BCAS3: variants seen among roughly 807,000 people sequenced by gnomAD.
BCAS3 encodes BCAS3 microtubule associated cell migration factor, also known as BCAS4/BCAS3 fusion.
Under a neutral mutation model 116.1 loss-of-function variants are expected in BCAS3, and 53 were observed. That is an observed-to-expected ratio of 0.46 (90% CI 0.37 to 0.57). The LOEUF (loss-of-function observed/expected upper bound fraction) is 0.57, where lower values mean the gene tolerates loss of function less well. Among genes scored for constraint, BCAS3 ranks in the 20% least tolerant of loss-of-function variants. BCAS3 has a pLI of 0.00. For synonymous variants in BCAS3, 391 were observed against 408.2 expected, an observed-to-expected ratio of 0.96 and a Z score of 0.51; for missense variants, 917 against 1,165.4, an observed-to-expected ratio of 0.79 and a Z score of 3.10.
chr17:60,727,545 C>T, intron 5 of BCAS3: 1 of 1,195,496 alleles, frequency 8.4e-7, no homozygotes. Context: ...AGACTCTCGC[C>T]TCGCAAAGCT....
Position 61,130,547 on chromosome 17 carries a change from C to G in BCAS3, c.2425+45983C>G, listed in dbSNP as rs182445197. Among the ~76,000 whole-genome samples the G allele has an allele frequency of 1.6e-3, 239 of 152,322 alleles. 2 individuals are homozygous for G. Among genetic ancestry groups the G allele is most frequent in the Non-Finnish European group, 2.8e-3 (191 of 68,028 alleles). On this transcript the variant is annotated intron_variant, in intron 22 of 23. Transcript: ENST00000407086. This position sits in a 1 kb window ranked among gnomAD's most constrained non-coding sequence, Gnocchi z 5.0. ...GTAATATGGTGAGAATCTTCTTCCT[C>G]AAATACTTTTTATCCTGTCATCCCT...
At position 61,040,849 on chromosome 17, in the gene BCAS3, C is replaced by T. The variant is rs749942174; in HGVS notation, c.1986C>T (p.Leu662=). The T allele has an allele frequency of 3.5e-5, 56 of 1,614,062 alleles. No individual in the cohort carries two copies. Among genetic ancestry groups the T allele is most frequent in the Non-Finnish European group, 4.6e-5 (54 of 1,179,986 alleles). Residue 662 remains leucine, a synonymous_variant, in exon 19 of 24, where the codon CTC becomes CTT. Transcript: ENST00000407086. The part of the protein sequence containing the change: ...PPFNANHPLL[L]AADAVQYYQF... ...TTAATGCAAACCACCCTCTGCTCCT[C>T]GCTGCAGATGCAGTACAGTATTATC...
At chr17:61,079,375 A>G (rs1459407613) in intron 21 of BCAS3, among the ~76,000 whole-genome samples, 1 of 152,180 alleles carries the variant, frequency 6.6e-6, no homozygotes, top group African/African-American at 2.4e-5. Flanking sequence ...AACAATAAAA[A>G]ATTTTTATAA....
intron 23 of BCAS3, among the ~76,000 whole-genome samples, chr17:61,372,018 T>G (rs747376576): frequency 6.6e-6 from 1 of 152,212 alleles, no homozygotes; most frequent in African/African-American, 2.4e-5. Context: ...GCTAATATCC[T>G]TCTGCCCCTT....
At chr17:61,059,164 G>A (rs891581863) in intron 19 of BCAS3, among the ~76,000 whole-genome samples, 5 of 135,428 alleles carry the variant, frequency 3.7e-5, no homozygotes, top group Non-Finnish European at 7.7e-5. Flanking sequence ...CTCGCTGCAA[G>A]CTCTGCCTCC....
intron 6 of BCAS3, among the ~76,000 whole-genome samples, chr17:60,794,985 G>T (rs1007494395): frequency 4.6e-5 from 7 of 152,038 alleles, no homozygotes; most frequent in African/African-American, 1.7e-4. Context: ...TTTGTAGATT[G>T]CTTTTGGTAG....
rs1026921538 is a variant in BCAS3 at position 61,368,811 on chromosome 17, C to A, written c.2593+317C>A. On this transcript the variant is annotated intron_variant, in intron 23 of 23. Coordinates refer to ENST00000407086, the MANE Select transcript of BCAS3 (RefSeq NM_017679.5). The surrounding 1 kb of genome is among the most constrained non-coding windows in gnomAD (Gnocchi z 6.0). ...CACGTCTTCCAGCAGCGCTCAGGCA[C>A]TGAGTCCTCAGGTTGTACCTCTTCA... 2.0e-5 allele frequency among the ~76,000 whole-genome samples: 3 copies of A among 152,372 alleles called. No individual in the cohort carries two copies. The highest frequency in any genetic ancestry group is 6.5e-5 in the Admixed American group (1 of 15,308).
intron 22 of BCAS3, among the ~76,000 whole-genome samples, chr17:61,133,859 CAAAAAAAAAAAAAAA>C (rs11449964): frequency 1.2e-5 from 1 of 81,930 alleles, no homozygotes; most frequent in African/African-American, 4.6e-5. Flanking sequence ...CCTGGAATCT[CAAAAAAAAAAAAAAA>C]AAAAAAAAGG....
intron 8 of BCAS3, among the ~76,000 whole-genome samples, chr17:60,871,196 A>C (rs2055066740): frequency 2.0e-5 from 3 of 152,042 alleles, no homozygotes; most frequent in Admixed American, 1.3e-4. Flanking sequence ...ACTGGATCTC[A>C]CTCTGTCACC....
intron 14 of BCAS3, among the ~76,000 whole-genome samples, chr17:60,987,353 AT>A (rs1004632452): frequency 1.5e-5 from 2 of 135,370 alleles, no homozygotes; most frequent in African/African-American, 2.8e-5. Flanking sequence ...ACATTTTAGG[AT>A]TTTTTTTTCT....
intron 23 of BCAS3, among the ~76,000 whole-genome samples, chr17:61,373,960 C>T (rs901675469): frequency 2.0e-5 from 3 of 149,856 alleles, no homozygotes; most frequent in South Asian, 2.1e-4. Flanking sequence ...GGACTACAGG[C>T]GTGCGCCACC....
chr17:61,250,484 T>C (rs1433788339), intron 22 of BCAS3, among the ~76,000 whole-genome samples: 1 of 152,182 alleles, frequency 6.6e-6, no homozygotes, highest in Non-Finnish European at 1.5e-5. Context: ...AACTGAGCAC[T>C]GCTCTGTGCT....
At chr17:61,234,920 C>T (rs2082914809) in intron 22 of BCAS3, among the ~76,000 whole-genome samples, 1 of 152,088 alleles carries the variant, frequency 6.6e-6, no homozygotes, top group Non-Finnish European at 1.5e-5. Context: ...CGGAGTCTCG[C>T]TCTGTCACCC....
rs1460999791 is a variant in BCAS3, at chr17:61,026,480, C to A, written c.1638-8186C>A. The stretch of plus-strand genomic sequence containing the variant: ...CCAGTCATCGTTAGCTAATTTTAAC[C>A]ATTTTGTGTCACATAGCTACACATT... On this transcript the variant is annotated intron_variant, in intron 16 of 23. Coordinates refer to ENST00000407086, the MANE Select transcript of BCAS3 (RefSeq NM_017679.5). The surrounding 1 kb of genome is among the most constrained non-coding windows in gnomAD (Gnocchi z 5.0). 6.6e-6 allele frequency among the ~76,000 whole-genome samples: 1 copy of A among 152,124 alleles called. No homozygotes were observed. The highest frequency in any genetic ancestry group is 1.9e-4 in the East Asian group (1 of 5,190).
Position 61,375,246 on chromosome 17 carries a change from G to GTGTGCGCGCGCGCGCACA in BCAS3, c.2593+6756_2593+6757insCGCGCGCGCGCACATGTG, listed in dbSNP as rs1555861733. On this transcript the variant is annotated intron_variant, in intron 23 of 23. Coordinates refer to ENST00000407086, the MANE Select transcript of BCAS3 (RefSeq NM_017679.5). ...TGTGTGTGTGTGTGTGTGTGTGTGT[G>GTGTGCGCGCGCGCGCACA]TGTGTGTGTACTAATAAAGTCTTTC... is the stretch of plus-strand genomic sequence containing the variant. 2.8e-3 allele frequency among the ~76,000 whole-genome samples: 426 copies of GTGTGCGCGCGCGCGCACA among 150,782 alleles called. 3 individuals are homozygous for GTGTGCGCGCGCGCGCACA. The highest frequency in any genetic ancestry group is 0.01 in the African/African-American group (414 of 40,274).
intron 6 of BCAS3, among the ~76,000 whole-genome samples, chr17:60,768,345 AT>A (rs1382861484): frequency 2.6e-5 from 4 of 152,174 alleles, no homozygotes; most frequent in African/African-American, 7.2e-5. Flanking sequence ...CCCACCCTTA[AT>A]CTGGATGGAC....
chr17:61,355,509 G>C lies in BCAS3; in HGVS notation c.2426-12818G>C, dbSNP rs1341924879. Among the ~76,000 whole-genome samples the C allele has an allele frequency of 6.6e-6, 1 of 152,086 alleles. No homozygotes were observed. The highest frequency in any genetic ancestry group is 6.5e-5 in the Admixed American group (1 of 15,272). On this transcript the variant is annotated intron_variant, in intron 22 of 23. Transcript: ENST00000407086. This position sits in a 1 kb window ranked among gnomAD's most constrained non-coding sequence, Gnocchi z 4.2. Reference sequence around the variant, plus strand: ...AAAAATTCAGCATGGTAGTTTTAGTGGAGAAATGACAGGCTTTGGAGCCAA... The same window carrying C: ...AAAAATTCAGCATGGTAGTTTTAGTCGAGAAATGACAGGCTTTGGAGCCAA...
Position 61,130,317 on chromosome 17 carries a change from A to G in BCAS3, c.2425+45753A>G, listed in dbSNP as rs2076263017. On this transcript the variant is annotated intron_variant, in intron 22 of 23. Coordinates refer to ENST00000407086, the MANE Select transcript of BCAS3 (RefSeq NM_017679.5). The surrounding 1 kb of genome is among the most constrained non-coding windows in gnomAD (Gnocchi z 5.0). The stretch of plus-strand genomic sequence containing the variant: ...TAGAAACTGGCAAAATATCTTCCCA[A>G]TTAATTATGAGAAATTCATCTGTAC... 1.3e-5 allele frequency among the ~76,000 whole-genome samples: 2 copies of G among 152,088 alleles called. No individual in the cohort carries two copies. The highest frequency in any genetic ancestry group is 2.4e-5 in the African/African-American group (1 of 41,328).
chr17:60,706,864 G>GAGTGC (rs2037219798), intron 4 of BCAS3, among the ~76,000 whole-genome samples: 1 of 149,342 alleles, frequency 6.7e-6, no homozygotes, highest in East Asian at 2.0e-4. Flanking sequence ...GGCTGGAGTG[G>GAGTGC]AGTGCAGTGG....
Sources: gnomAD v4.1 joint callset for allele counts (sites outside exome capture counted in the v4.1 genomes callset) on GRCh38, gnomAD v4.1.1 for gene constraint, Gnocchi (gnomAD v3.1) non-coding constraint, MANE v1.5 for transcripts, NCBI Gene and HGNC (gene_info 2026-07-23, HGNC 2026-07-21) for gene names.